The following A3GALT2 variants were observed in gnomAD, a reference collection of about 807,000 sequenced individuals.
The protein encoded by A3GALT2 is alpha 1,3-galactosyltransferase 2, also known as alpha-1,3-galactosyltransferase 2.
A neutral mutation model predicts 16.6 loss-of-function variants in A3GALT2; 14 were observed. The observed-to-expected ratio is 0.84, with a 90% CI of 0.56 to 1.32. The LOEUF (loss-of-function observed/expected upper bound fraction) is 1.32, where lower values mean the gene tolerates loss of function less well. A3GALT2 is among the 40% of genes most tolerant of loss of function. The pLI, the probability that A3GALT2 is intolerant of heterozygous loss-of-function variation, is 0.00. For missense variants in A3GALT2, 600 were observed against 490.9 expected, an observed-to-expected ratio of 1.22 and a Z score of -2.10; for synonymous variants, 253 against 218.0, an observed-to-expected ratio of 1.16 and a Z score of -1.42.
intron 1 of A3GALT2, chr1:33,313,982 G>C (rs1353344266): frequency 2.6e-5 from 4 of 151,436 alleles, no homozygotes; most frequent in African/African-American, 9.7e-5. Flanking sequence ...CGTCACCTGG[G>C]CAGCCTCCTC....
At chr1:33,316,082 G>T (rs1338026333) in intron 1 of A3GALT2, among the ~76,000 whole-genome samples, 3 of 152,218 alleles carry the variant, frequency 2.0e-5, no homozygotes, top group African/African-American at 7.2e-5. Context: ...TGAGGAGGTA[G>T]TTGGGGCCTC....
chr1:33,312,746 A>G (rs1248937459), intron 2 of A3GALT2, 61 bp downstream of exon 2: 1 of 1,519,692 alleles, frequency 6.6e-7, no homozygotes, highest in Non-Finnish European at 9.0e-7. Flanking sequence ...AGGCACTTAG[A>G]CAGATCCCCT....
At chr1:33,317,613 G>A (rs1282813694) in intron 1 of A3GALT2, among the ~76,000 whole-genome samples, 2 of 152,204 alleles carry the variant, frequency 1.3e-5, no homozygotes, top group Non-Finnish European at 2.9e-5. Context: ...TGGAGACTCT[G>A]CAGTGACTAG....
chr1:33,315,533 A>G (rs1055841523), intron 1 of A3GALT2, among the ~76,000 whole-genome samples: 4 of 152,202 alleles, frequency 2.6e-5, no homozygotes, highest in African/African-American at 7.2e-5. Context: ...TGGCAGAGGT[A>G]GACCCTGTCT....
intron 1 of A3GALT2, among the ~76,000 whole-genome samples, chr1:33,319,133 C>A (rs1379564639): frequency 2.6e-5 from 4 of 152,198 alleles, no homozygotes; most frequent in African/African-American, 9.7e-5. Context: ...AATGAGGAAA[C>A]TGAGGCTTAG....
Position 33,320,251 on chromosome 1 carries a change from G to T in A3GALT2, c.23+825C>A, listed in dbSNP as rs1448973026. ...TGCCTCGGGAGGTGCACTGTGGGAGGTGTGCGAGGTACTGCGTAAGGTACT... is the reference window on the plus strand; with the variant it reads ...TGCCTCGGGAGGTGCACTGTGGGAGTTGTGCGAGGTACTGCGTAAGGTACT... On this transcript the variant is annotated intron_variant, in intron 1 of 4. Transcript: ENST00000442999. This position sits in a 1 kb window ranked among gnomAD's most constrained non-coding sequence, Gnocchi z 4.3. Among the ~76,000 whole-genome samples the T allele has an allele frequency of 6.6e-6, 1 of 152,038 alleles. No homozygotes were observed. Among genetic ancestry groups the T allele is most frequent in the Non-Finnish European group, 1.5e-5 (1 of 68,042 alleles).
Position 33,312,716 on chromosome 1 carries a change from C to T in A3GALT2, c.107+91G>A, listed in dbSNP as rs74844290. The stretch of plus-strand genomic sequence containing the variant: ...AAGGACACTTGAGCTGAGTTAGCCA[C>T]TGCCCTCCATCCCTCAAGGAGGCAC... On this transcript the variant is annotated intron_variant, in intron 2 of 4. Transcript: ENST00000442999. The T allele has an allele frequency of 4.8e-6, 7 of 1,449,144 alleles. No individual in the cohort carries two copies. In the African/African-American group the frequency reaches 7.0e-5, roughly 14 times the overall value. The allele number at this position is 1,449,144 out of a possible 1,614,324, so 89.8% of individuals were successfully genotyped here.
intron 1 of A3GALT2, among the ~76,000 whole-genome samples, chr1:33,316,171 G>A (rs1181791919): frequency 1.3e-5 from 2 of 152,108 alleles, no homozygotes; most frequent in Admixed American, 1.3e-4. Flanking sequence ...GGCATGGAGG[G>A]GGAAGAGAGG....
At position 33,309,990 on chromosome 1, in the gene A3GALT2, C is replaced by T. The variant is rs1273050987; in HGVS notation, c.335+2062G>A. On this transcript the variant is annotated intron_variant, in intron 4 of 4. Transcript: ENST00000442999. The stretch of plus-strand genomic sequence containing the variant: ...GAGGTTGTAGCGAACTGAGATCACG[C>T]CACTGCACTCCAGCCTGGGCAACAT... 2.6e-5 allele frequency among the ~76,000 whole-genome samples: 4 copies of T among 152,388 alleles called. No individual in the cohort carries two copies. In the East Asian group the frequency reaches 5.8e-4, roughly 22 times the overall value.
At chr1:33,316,329 A>C (rs1317806102) in intron 1 of A3GALT2, among the ~76,000 whole-genome samples, 1 of 152,092 alleles carries the variant, frequency 6.6e-6, no homozygotes, top group African/African-American at 2.4e-5. Context: ...CAGGGCCCGC[A>C]TGTCAGGCTC....
At chr1:33,314,956 A>G (rs1347450218) in intron 1 of A3GALT2, 1 of 152,210 alleles carries the variant, frequency 6.6e-6, no homozygotes, top group Non-Finnish European at 1.5e-5. Flanking sequence ...TTTTTAAAAA[A>G]AAACATAATA....
intron 1 of A3GALT2, among the ~76,000 whole-genome samples, chr1:33,315,743 T>A (rs189906415): frequency 2.0e-5 from 3 of 152,358 alleles, no homozygotes; most frequent in South Asian, 4.1e-4. Flanking sequence ...TCAAAGGAGA[T>A]AATCTTCAGA....
At chr1:33,312,743 TAGAC>T (rs971135621) in intron 2 of A3GALT2, 60 bp downstream of exon 2, 7 of 1,515,060 alleles carry the variant, frequency 4.6e-6, no homozygotes, top group African/African-American at 1.4e-5. Context: ...AGGAGGCACT[TAGAC>T]AGATCCCCTT....
At chr1:33,308,985 G>A (rs1209612882) in intron 4 of A3GALT2, among the ~76,000 whole-genome samples, 2 of 151,608 alleles carry the variant, frequency 1.3e-5, no homozygotes, top group African/African-American at 2.4e-5. Context: ...CGAGCATGCT[G>A]CCTTCAAGCA....
rs143584494 is a variant in A3GALT2, at chr1:33,312,125, C to G, written c.262G>C (p.Asp88His). The G allele has an allele frequency of 1.2e-6, 2 of 1,613,578 alleles. No individual in the cohort carries two copies. The highest frequency in any genetic ancestry group is 1.7e-6 in the Non-Finnish European group (2 of 1,179,800). ...GCCTCTTGCTTGGCCACATCTGGGT[C>G]GAAAGAGCCATCCCAAATAATGGGA... ...GAPIIWDGSF[D>H]PDVAKQEARQ... is the part of the protein sequence containing the mutation. The change falls in exon 4 of 5, where the codon GAC becomes CAC. Residue 88 changes from aspartate (D) to histidine (H), a missense_variant. Physicochemically the swap from Asp to His is moderately conservative, Grantham distance 81. Coordinates refer to ENST00000442999, the MANE Select transcript of A3GALT2 (RefSeq NM_001080438.1).
Position 33,312,570 on chromosome 1 carries a change from G to A in A3GALT2, c.128C>T (p.Pro43Leu), listed in dbSNP as rs748354096. Residue 43 changes from proline (P) to leucine (L), a missense_variant, in exon 3 of 5, where the codon CCC becomes CTC. Coordinates refer to ENST00000442999, the MANE Select transcript of A3GALT2 (RefSeq NM_001080438.1). ...PKFRHLEALI[P>L]MGVCPSATMS... ...TGTGGCCGAAGGGCAGACGCCCATG[G>A]GGATGAGGGCTTCCAGATGCCTGTG... is the stretch of plus-strand genomic sequence containing the variant. 6.3e-7 allele frequency: 1 copy of A among 1,596,602 alleles called. No homozygotes were observed. The highest frequency in any genetic ancestry group is 8.5e-7 in the Non-Finnish European group (1 of 1,170,454).
chr1:33,307,064 G>A lies in A3GALT2; in HGVS notation c.725C>T (p.Ala242Val). 2 of 1,517,008 alleles carry A rather than the reference G, an allele frequency of 1.3e-6. No homozygotes were observed. Among genetic ancestry groups the A allele is most frequent in the Admixed American group, 2.1e-5 (1 of 48,570 alleles). The allele number at this position is 1,517,008 out of a possible 1,614,324, so 94.0% of individuals were successfully genotyped here. The change falls in exon 5 of 5, where the codon GCC becomes GTC. Residue 242 changes from alanine (A) to valine (V), a missense_variant. Transcript: ENST00000442999. The stretch of plus-strand genomic sequence containing the variant: ...GTCGCCCTGGCCCCACGCCATCGCG[G>A]CGGCCGAATGCGCGTCGCGTTCGAA... ...LPFERDAHSA[A>V]AMAWGQGDFY... is the part of the protein sequence containing the mutation.
At position 33,306,789 on chromosome 1, in the gene A3GALT2, C is replaced by T; in HGVS notation, c.1000G>A (p.Gly334Arg). Reference sequence around the variant, plus strand: ...CGCTAGTTCCGCAGCAGCCGGTACCCCTTGGGCGCCCACAGCAGTCGCGGG... The same window carrying T: ...CGCTAGTTCCGCAGCAGCCGGTACCTCTTGGGCGCCCACAGCAGTCGCGGG... ...RRPRLLWAPK[G>R]YRLLRN The change falls in exon 5 of 5, where the codon GGG (glycine) becomes AGG (arginine). Residue 334 changes from glycine to arginine, a missense_variant. By Grantham distance (125) the Gly-to-Arg change is moderately radical. Transcript: ENST00000442999. The T allele has an allele frequency of 7.0e-7, 1 of 1,432,816 alleles. No individual in the cohort carries two copies. Among genetic ancestry groups the T allele is most frequent in the Non-Finnish European group, 9.1e-7 (1 of 1,101,752 alleles). 88.8% of individuals were successfully genotyped at this position (1,432,816 alleles called of 1,614,324 possible). A position where few individuals can be genotyped will look rare whatever the true frequency, so the allele number is the denominator to read the frequency against.
chr1:33,308,750 G>GTTGTTTTTTTTTTTTTTT (rs1646216251), intron 4 of A3GALT2, among the ~76,000 whole-genome samples: 22 of 46,128 alleles, frequency 4.8e-4, no homozygotes, highest in Non-Finnish European at 7.6e-4. Context: ...TGTCAAAGTT[G>GTTGTTTTTTTTTTTTTTT]TTTTTTTTTT....
Sources: allele counts gnomAD v4.1 joint callset (sites outside exome capture counted in the v4.1 genomes callset), GRCh38; gene constraint gnomAD v4.1.1; non-coding constraint Gnocchi (gnomAD v3.1); transcripts MANE v1.5; gene names NCBI Gene and HGNC (gene_info 2026-07-23, HGNC 2026-07-21).